Variants in DNAH12 observed in about 807,000 individuals in gnomAD.
DNAH12 encodes axonemal beta dynein heavy chain 12.
Under a neutral mutation model 371.5 loss-of-function variants are expected in DNAH12, and 285 were observed. The ratio of observed to expected loss-of-function variants is 0.77; its 90% CI spans 0.70 to 0.85. The LOEUF is 0.85. Among genes scored for constraint, DNAH12 ranks in the 40% least tolerant of loss-of-function variants. The pLI is 0.00. For synonymous variants in DNAH12, 1,200 were observed against 1,213.0 expected (o/e 0.99, Z 0.22); for missense variants, 3,611 against 3,689.4 (o/e 0.98, Z 0.55).
At chr3:57,421,902 CTT>C (rs368757579) in intron 35 of DNAH12, among the ~76,000 whole-genome samples, 196 bp from the exon 36 acceptor site, 54 of 98,502 alleles carry the variant, frequency 5.5e-4, no homozygotes, top group African/African-American at 1.7e-3. Flanking sequence ...GTTTGCATGT[CTT>C]TTTTTTTTTT....
intron 60 of DNAH12, among the ~76,000 whole-genome samples, chr3:57,337,223 C>T (rs1298392966): frequency 6.6e-6 from 1 of 152,194 alleles, no homozygotes; most frequent in East Asian, 1.9e-4. Context: ...ATACATGCAC[C>T]TGGCCAGGCA....
At position 57,446,843 on chromosome 3, in the gene DNAH12, G is replaced by A. The variant is rs1337416971; in HGVS notation, c.3787-154C>T. On this transcript the variant is annotated intron_variant, in intron 25 of 73. Transcript: ENST00000495027. ...ATTTTTAGCCCAAATTTTTCTAGCT[G>A]CATGAAGAGAAAGCATTTTAAAACG... is the stretch of plus-strand genomic sequence containing the variant. Among the ~76,000 whole-genome samples, 3 of 152,294 alleles carry A rather than the reference G, an allele frequency of 2.0e-5. No individual in the cohort carries two copies. In the East Asian group the frequency reaches 5.8e-4, roughly 29 times the overall value.
intron 58 of DNAH12, among the ~76,000 whole-genome samples, chr3:57,362,329 G>C (rs1286442543): frequency 1.3e-5 from 2 of 152,056 alleles, no homozygotes; most frequent in Admixed American, 1.3e-4. Flanking sequence ...ATAAACATAC[G>C]TGTGCATGTG....
intron 25 of DNAH12, 94 bp downstream of exon 25, chr3:57,452,749 T>C: frequency 2.6e-6 from 3 of 1,147,270 alleles, no homozygotes; most frequent in Non-Finnish European, 3.6e-6. Flanking sequence ...GGGATAATTG[T>C]ATTCAACTAC....
At chr3:57,455,920 C>G (rs1406114090) in intron 22 of DNAH12, among the ~76,000 whole-genome samples, 1 of 152,108 alleles carries the variant, frequency 6.6e-6, no homozygotes, top group Admixed American at 6.5e-5. Context: ...TTAGCAGATC[C>G]AAACTATAAA....
chr3:57,325,483 C>A (rs1449879662), intron 62 of DNAH12, among the ~76,000 whole-genome samples: 1 of 152,194 alleles, frequency 6.6e-6, no homozygotes, highest in Non-Finnish European at 1.5e-5. Flanking sequence ...GGACCTCTAG[C>A]AAACTCCAAC....
At chr3:57,464,711 A>ACAACTAAATTCCTAACTAGACTGAT (rs2066148883) in intron 17 of DNAH12, among the ~76,000 whole-genome samples, 1 of 152,186 alleles carries the variant, frequency 6.6e-6, no homozygotes, top group Admixed American at 6.6e-5. Flanking sequence ...CCAACAATAA[A>ACAACTAAATTCCTAACTAGACTGAT]CAACTAAATT....
intron 35 of DNAH12, among the ~76,000 whole-genome samples, chr3:57,422,920 A>G (rs1043965329): frequency 3.3e-5 from 5 of 152,232 alleles, no homozygotes; most frequent in African/African-American, 1.2e-4. Context: ...AAAATGACAT[A>G]TTACAATAGA....
intron 9 of DNAH12, 120 bp from the exon 10 acceptor site, chr3:57,502,599 G>T: frequency 2.8e-6 from 3 of 1,071,466 alleles, no homozygotes; most frequent in East Asian, 2.7e-5. Context: ...ACCCAGGTTG[G>T]AGCGCATTGG....
chr3:57,546,531 C>T (rs917045281), upstream of DNAH12, among the ~76,000 whole-genome samples: 3 of 152,126 alleles, frequency 2.0e-5, no homozygotes, highest in African/African-American at 7.2e-5. Flanking sequence ...TTTGTTGGGA[C>T]AGTGTCTTAC....
In DNAH12 at chr3:57,331,775, CCT is replaced by C. The variant is rs539491386; in HGVS notation, c.9978+2688_9978+2689del. ...TTAGTTAGACAGGCTCCTCTGAACC[CCT>C]TTTTCTATGAGGCCTTGTCTTCAAG... On this transcript the variant is annotated intron_variant, in intron 62 of 73. Transcript: ENST00000495027. Among the ~76,000 whole-genome samples the C allele has an allele frequency of 2.9e-3, 442 of 152,186 alleles. 2 individuals are homozygous for C. Among genetic ancestry groups the C allele is most frequent in the African/African-American group, 0.01 (419 of 41,520 alleles).
chr3:57,452,448 T>A (rs1559676946), intron 25 of DNAH12, among the ~76,000 whole-genome samples: 2 of 152,112 alleles, frequency 1.3e-5, no homozygotes, highest in Non-Finnish European at 2.9e-5. Context: ...CCCATACATT[T>A]CATCTCTCCA....
intron 2 of DNAH12, among the ~76,000 whole-genome samples, chr3:57,534,359 G>GT (rs575442905): frequency 2.6e-4 from 40 of 152,132 alleles, no homozygotes; most frequent in East Asian, 1.5e-3. Flanking sequence ...TTATGAAGGT[G>GT]TTTTTTTGTG....
chr3:57,393,558 G>T (rs1180455321), intron 44 of DNAH12, among the ~76,000 whole-genome samples: 1 of 149,312 alleles, frequency 6.7e-6, no homozygotes, highest in Admixed American at 6.7e-5. Context: ...CCCGGGAGGC[G>T]GAGGTTGCAG....
chr3:57,456,206 A>G (rs1191091959), intron 22 of DNAH12, among the ~76,000 whole-genome samples: 1 of 152,300 alleles, frequency 6.6e-6, no homozygotes, highest in East Asian at 1.9e-4. Context: ...GCTCTTTCCT[A>G]TGTGTTTTAG....
chr3:57,368,438 C>G (rs1216011338), intron 55 of DNAH12, among the ~76,000 whole-genome samples, 178 bp from the exon 56 acceptor site: 1 of 148,340 alleles, frequency 6.7e-6, no homozygotes, highest in Non-Finnish European at 1.5e-5. Context: ...TTTTTTCTTT[C>G]TTATTTATTT....
chr3:57,511,969 T>C (rs750372530), intron 4 of DNAH12, among the ~76,000 whole-genome samples: 25 of 151,884 alleles, frequency 1.6e-4, no homozygotes, highest in Non-Finnish European at 2.9e-4. Context: ...AAGAAAAACA[T>C]AGATGAAGTC....
Position 57,433,771 on chromosome 3 carries a change from C to G in DNAH12, c.4713G>C (p.Ala1571=). The change falls in exon 31 of 74, where the codon GCG becomes GCC. Residue 1571 remains alanine, a synonymous_variant. Coordinates refer to ENST00000495027, the MANE Select transcript of DNAH12 (RefSeq NM_001366028.2). ...GTTCATTCATTAAAGTTAGCGTATC[C>G]GCCAGCACATGCAGAACTTTTGTCT... ...AAKTKVLHVL[A]DTLTLMNEHG... The G allele has an allele frequency of 6.4e-7, 1 of 1,550,622 alleles. No individual in the cohort carries two copies. Among genetic ancestry groups the G allele is most frequent in the African/African-American group, 1.4e-5 (1 of 73,106 alleles).
chr3:57,328,824 C>A (rs1168844936), intron 62 of DNAH12, among the ~76,000 whole-genome samples: 1 of 129,710 alleles, frequency 7.7e-6, no homozygotes, highest in Non-Finnish European at 1.6e-5. Flanking sequence ...ATTGTCTCAG[C>A]CCAAAATCTC....
Sources: allele counts gnomAD v4.1 joint callset (sites outside exome capture counted in the v4.1 genomes callset), GRCh38; gene constraint gnomAD v4.1.1; transcripts MANE v1.5; gene names NCBI Gene and HGNC (gene_info 2026-07-23, HGNC 2026-07-21).